Variants in SESN1 observed in about 807,000 individuals in gnomAD.
SESN1 encodes the protein sestrin-1.
SESN1 carries 30 observed loss-of-function variants against 59.3 expected under a neutral mutation model. The ratio of observed to expected loss-of-function variants is 0.51; its 90% confidence interval spans 0.38 to 0.69. The LOEUF is 0.69. Among genes scored for constraint, SESN1 ranks in the 30% least tolerant of loss-of-function variants. The probability of loss-of-function intolerance (pLI) is 0.00; values close to 1 mark genes in which losing one functional copy is unlikely to be tolerated. For synonymous variants in SESN1, 197 were observed against 219.9 expected, an observed-to-expected ratio of 0.90 and a Z score of 0.92; for missense variants, 566 against 673.0, an observed-to-expected ratio of 0.84 and a Z score of 1.76.
chr6:109,024,724 T>C (rs1253500268), intron 1 of SESN1, among the ~76,000 whole-genome samples: 1 of 152,144 alleles, frequency 6.6e-6, no homozygotes, highest in Admixed American at 6.5e-5. Context: ...TCTGGCAACA[T>C]GGTAGAGTAT....
rs146545105 is a variant in SESN1, at chr6:109,022,642, C to T, written c.280-20299G>A. Among the ~76,000 whole-genome samples the T allele has an allele frequency of 7.8e-3, 1,190 of 151,968 alleles. 21 individuals carry two copies. The highest frequency in any genetic ancestry group is 0.028 in the African/African-American group (1,144 of 41,410). ...CCATAGCCAGGATGGTCTCGATCTCCTGACCTCGTGATCTGTCCGCCTCGG... is the reference window on the plus strand; with the variant it reads ...CCATAGCCAGGATGGTCTCGATCTCTTGACCTCGTGATCTGTCCGCCTCGG... On this transcript the variant is annotated intron_variant, in intron 1 of 9. Coordinates refer to ENST00000436639, the MANE Select transcript of SESN1 (RefSeq NM_014454.3).
At chr6:109,075,181 C>A (rs1781012452) in intron 1 of SESN1, among the ~76,000 whole-genome samples, 1 of 152,182 alleles carries the variant, frequency 6.6e-6, no homozygotes, top group African/African-American at 2.4e-5. Context: ...TAAGCATATA[C>A]CCTAAATCAC....
intron 1 of SESN1, among the ~76,000 whole-genome samples, chr6:109,020,784 A>G (rs896497516): frequency 6.6e-6 from 1 of 151,870 alleles, no homozygotes; most frequent in African/African-American, 2.4e-5. Flanking sequence ...AACAATAGTT[A>G]ACAGTTTTCT....
At chr6:109,054,221 TATG>T (rs1780592131) in intron 1 of SESN1, among the ~76,000 whole-genome samples, 1 of 152,142 alleles carries the variant, frequency 6.6e-6, no homozygotes, top group African/African-American at 2.4e-5. Flanking sequence ...CTCTGAAAGT[TATG>T]ATGATGGAAT....
chr6:108,990,554 T>C (rs900248881), intron 8 of SESN1, 91 bp downstream of exon 8: 3 of 1,129,394 alleles, frequency 2.7e-6, no homozygotes, highest in African/African-American at 3.1e-5. Context: ...GTTTTGATTA[T>C]GTGTGTGTCT....
rs1779599756 is a variant in SESN1 at position 109,000,650 on chromosome 6, G to A, written c.570C>T (p.Ser190=). 2.5e-6 allele frequency: 4 copies of A among 1,603,572 alleles called. No individual in the cohort carries two copies. In the Admixed American group the frequency reaches 5.1e-5, roughly 20 times the overall value. Residue 190 remains serine, a synonymous_variant, in exon 4 of 10, where the codon TCC becomes TCT. Coordinates refer to ENST00000436639, the MANE Select transcript of SESN1 (RefSeq NM_014454.3). ...CATTTACATGCAGGTTCACTAAGTA[G>A]GAGCACTGATGTCTTGCCGCAGCCT... ...GIMAAARHQC[S]YLVNLHVNDF...
At position 108,993,855 on chromosome 6, in the gene SESN1, C is replaced by T. The variant is rs1018805479; in HGVS notation, c.1120+607G>A. Among the ~76,000 whole-genome samples the T allele has an allele frequency of 6.6e-5, 10 of 152,110 alleles. No homozygotes were observed. The East Asian group carries it at 1.4e-3, about 21-fold the overall frequency. ...TCAGCTTCTTGAGTAGCCGGTACTA[C>T]AGGTACAAACTGCCGTGCCCAAAAA... On this transcript the variant is annotated intron_variant, in intron 6 of 9. Coordinates refer to ENST00000436639, the MANE Select transcript of SESN1 (RefSeq NM_014454.3).
chr6:108,993,641 T>C (rs1779439296), intron 6 of SESN1, among the ~76,000 whole-genome samples: 1 of 152,194 alleles, frequency 6.6e-6, no homozygotes, highest in East Asian at 1.9e-4. Context: ...TTACCTGGTT[T>C]ATATATTATC....
chr6:109,093,399 T>C (rs1269627979), intron 1 of SESN1, among the ~76,000 whole-genome samples: 1 of 152,168 alleles, frequency 6.6e-6, no homozygotes, highest in East Asian at 1.9e-4. Context: ...AGAAAATTGT[T>C]CCACCAATTA....
chr6:109,001,854 A>G (rs950046788), intron 2 of SESN1, among the ~76,000 whole-genome samples: 1 of 152,236 alleles, frequency 6.6e-6, no homozygotes, highest in Non-Finnish European at 1.5e-5. Flanking sequence ...GAGAACTAAA[A>G]TTAACTAATA....
At chr6:109,059,905 A>G (rs565800876) in intron 1 of SESN1, among the ~76,000 whole-genome samples, 259 of 152,338 alleles carry the variant, frequency 1.7e-3, no homozygotes, top group South Asian at 3.3e-3. Context: ...GGCCTAGACT[A>G]TAACAATGAA....
At chr6:109,001,622 T>G (rs1329276273) in intron 2 of SESN1, 134 bp from the exon 3 acceptor site, 1 of 727,870 alleles carries the variant, frequency 1.4e-6, no homozygotes, top group Non-Finnish European at 2.3e-6. Flanking sequence ...GTTACAAATT[T>G]AAACTCAACT....
At position 108,988,133 on chromosome 6, in the gene SESN1, T is replaced by C. The variant is rs554652638; in HGVS notation, c.1569+410A>G. 2.6e-5 allele frequency among the ~76,000 whole-genome samples: 4 copies of C among 152,326 alleles called. 1 individual carries two copies. The highest frequency in any genetic ancestry group is 5.9e-5 in the Non-Finnish European group (4 of 68,018). On this transcript the variant is annotated intron_variant, in intron 9 of 9. Coordinates refer to ENST00000436639, the MANE Select transcript of SESN1 (RefSeq NM_014454.3). ...GATAGATTGAGCTTTCATTTATATT[T>C]TATCATGTTTCTTGGAGGTTTGTTA...
chr6:109,030,556 T>C lies in SESN1; in HGVS notation c.280-28213A>G, dbSNP rs79887291. Among the ~76,000 whole-genome samples the C allele has an allele frequency of 8.7e-4, 132 of 152,164 alleles. 3 individuals are homozygous for C. The East Asian group carries it at 0.021, about 25-fold the overall frequency. On this transcript the variant is annotated intron_variant, in intron 1 of 9. Coordinates refer to ENST00000436639, the MANE Select transcript of SESN1 (RefSeq NM_014454.3). ...CATAAGTTTAAGGATGGGGTGGGAATAGGTGAAAAAGAGGAAGAATAAAAA... is the reference window on the plus strand; with the variant it reads ...CATAAGTTTAAGGATGGGGTGGGAACAGGTGAAAAAGAGGAAGAATAAAAA...
intron 1 of SESN1, among the ~76,000 whole-genome samples, chr6:109,039,214 G>A (rs1780300321): frequency 6.6e-6 from 1 of 152,112 alleles, no homozygotes; most frequent in African/African-American, 2.4e-5. Flanking sequence ...GGGCAAGGAA[G>A]GGATACTATA....
chr6:108,998,111 T>C (rs948227552), intron 5 of SESN1, among the ~76,000 whole-genome samples: 3 of 152,212 alleles, frequency 2.0e-5, no homozygotes, highest in African/African-American at 4.8e-5. Flanking sequence ...AGCCAGACTG[T>C]TTATTTTGTG....
chr6:109,031,814 T>A (rs1780185260), intron 1 of SESN1, among the ~76,000 whole-genome samples: 1 of 152,152 alleles, frequency 6.6e-6, no homozygotes, highest in Non-Finnish European at 1.5e-5. Flanking sequence ...TCCCCTAAGA[T>A]TACAGGCTGA....
chr6:109,045,072 C>T (rs1413363469), intron 1 of SESN1, among the ~76,000 whole-genome samples: 2 of 152,030 alleles, frequency 1.3e-5, no homozygotes, highest in Non-Finnish European at 2.9e-5. Context: ...CATTGCACTA[C>T]GCTACCACCT....
chr6:109,042,520 A>AG, intron 1 of SESN1, among the ~76,000 whole-genome samples: 1 of 149,860 alleles, frequency 6.7e-6, no homozygotes, highest in East Asian at 1.9e-4. Context: ...AATGAAACAG[A>AG]GGATTATTGC....
Sources: gnomAD v4.1 joint callset for allele counts (sites outside exome capture counted in the v4.1 genomes callset) on GRCh38, gnomAD v4.1.1 for gene constraint, MANE v1.5 for transcripts, NCBI Gene and HGNC (gene_info 2026-07-23, HGNC 2026-07-21) for gene names.